Variants in CFAP77 observed in about 807,000 individuals in gnomAD.
The protein encoded by CFAP77 is cilia- and flagella-associated protein 77.
A neutral mutation model predicts 31.1 loss-of-function variants in CFAP77; 25 were observed. The ratio of observed to expected loss-of-function variants is 0.80; its 90% CI spans 0.59 to 1.12. The LOEUF is 1.12. CFAP77 is among the 50% of genes most tolerant of loss of function. The pLI is 0.00. For synonymous variants in CFAP77, 151 were observed against 159.9 expected, an observed-to-expected ratio of 0.94 and a Z score of 0.42; for missense variants, 377 against 397.3, an observed-to-expected ratio of 0.95 and a Z score of 0.44.
chr9:132,556,565 C>T (rs1007610403), intron 5 of CFAP77, among the ~76,000 whole-genome samples: 1 of 152,204 alleles, frequency 6.6e-6, no homozygotes, highest in African/African-American at 2.4e-5. Context: ...AACACACACA[C>T]ACTCTCTCCC....
chr9:132,419,910 C>T (rs558450545), intron 1 of CFAP77, among the ~76,000 whole-genome samples: 2 of 152,220 alleles, frequency 1.3e-5, no homozygotes, highest in South Asian at 2.1e-4. Flanking sequence ...CCTGTAATCC[C>T]AGTACTTTGG....
intron 1 of CFAP77, among the ~76,000 whole-genome samples, chr9:132,488,494 A>G (rs1258524534): frequency 6.6e-6 from 1 of 152,218 alleles, no homozygotes; most frequent in African/African-American, 2.4e-5. Context: ...AAGGGGAAAA[A>G]AAAGTAGATT....
intron 1 of CFAP77, among the ~76,000 whole-genome samples, chr9:132,486,016 A>ATATATATATATATATATGTATG (rs1564222949): frequency 2.4e-4 from 4 of 16,344 alleles, no homozygotes; most frequent in Non-Finnish European, 2.9e-4. Flanking sequence ...ATATATATAT[A>ATATATATATATATATATGTATG]TATATATATA....
At chr9:132,485,905 C>T (rs549815016) in intron 1 of CFAP77, among the ~76,000 whole-genome samples, 82 of 145,998 alleles carry the variant, frequency 5.6e-4, no homozygotes, top group African/African-American at 1.9e-3. Flanking sequence ...AGGTAGTTTT[C>T]GTAAACAGGT....
intron 1 of CFAP77, among the ~76,000 whole-genome samples, chr9:132,440,504 G>C (rs1164355373): frequency 1.3e-5 from 2 of 152,134 alleles, no homozygotes; most frequent in African/African-American, 2.4e-5. Context: ...AGAAAACCAA[G>C]GCTCAGAGAA....
chr9:132,550,566 C>T (rs1239529543), intron 5 of CFAP77, among the ~76,000 whole-genome samples: 3 of 148,184 alleles, frequency 2.0e-5, no homozygotes, highest in Non-Finnish European at 3.0e-5. Flanking sequence ...ACTCTGTTGC[C>T]CAGGCTGGGG....
chr9:132,420,240 G>C (rs1322663595), intron 1 of CFAP77, among the ~76,000 whole-genome samples: 1 of 151,922 alleles, frequency 6.6e-6, no homozygotes, highest in Non-Finnish European at 1.5e-5. Flanking sequence ...AGCAGTATTG[G>C]GGCTTTCCAG....
At chr9:132,486,285 C>T (rs1052166464) in intron 1 of CFAP77, among the ~76,000 whole-genome samples, 2 of 150,000 alleles carry the variant, frequency 1.3e-5, no homozygotes, top group Admixed American at 1.3e-4. Context: ...ATAGAGATGG[C>T]GTTTCACCGT....
chr9:132,441,513 C>T (rs1261337080), intron 1 of CFAP77, among the ~76,000 whole-genome samples: 2 of 152,162 alleles, frequency 1.3e-5, no homozygotes, highest in Admixed American at 1.3e-4. Context: ...GGGCCACAGA[C>T]ACCCTCCCCG....
Position 132,410,439 on chromosome 9 carries a change from C to T in CFAP77, c.168C>T (p.Ser56=). ...AGCGGCTGGGGGTCGTGCGGGACTC[C>T]ATGTTTCAGAACCCTCTCATCGTCA... The part of the protein sequence containing the change: ...ENERLGVVRD[S]MFQNPLIVKA... The change falls in exon 1 of 6, where the codon TCC becomes TCT. Residue 56 remains serine (S), a synonymous_variant. Transcript: ENST00000393216. 3 of 1,593,412 alleles carry T rather than the reference C, an allele frequency of 1.9e-6. No individual in the cohort carries two copies. Among genetic ancestry groups the T allele is most frequent in the Non-Finnish European group, 2.6e-6 (3 of 1,171,894 alleles).
chr9:132,551,259 T>G (rs1407173442), intron 5 of CFAP77, among the ~76,000 whole-genome samples: 1 of 151,208 alleles, frequency 6.6e-6, no homozygotes, highest in African/African-American at 2.4e-5. Flanking sequence ...CCTGACTCCT[T>G]CTTGGGTGCC....
intron 1 of CFAP77, among the ~76,000 whole-genome samples, chr9:132,432,942 C>T (rs1776687003): frequency 6.6e-6 from 1 of 152,150 alleles, no homozygotes; most frequent in Non-Finnish European, 1.5e-5. Context: ...TCTTGATCTC[C>T]TGACCTTGTG....
chr9:132,456,583 T>C (rs1219670337), intron 1 of CFAP77, among the ~76,000 whole-genome samples: 5 of 152,018 alleles, frequency 3.3e-5, no homozygotes, highest in Non-Finnish European at 1.5e-5. Context: ...CCGTGCAGAA[T>C]CCCATTAAGA....
rs538968360 is a variant in CFAP77 at position 132,423,234 on chromosome 9, T to G, written c.195+12768T>G. ...GCGAACCTGAAAGCTCTGTCTTTTCTTAGGCAGCCGCTTGCTTCTTGGGGA... is the reference window on the plus strand; with the variant it reads ...GCGAACCTGAAAGCTCTGTCTTTTCGTAGGCAGCCGCTTGCTTCTTGGGGA... On this transcript the variant is annotated intron_variant, in intron 1 of 5. Coordinates refer to ENST00000393216, the MANE Select transcript of CFAP77 (RefSeq NM_001282957.2). Among the ~76,000 whole-genome samples, 3 of 152,362 alleles carry G rather than the reference T, an allele frequency of 2.0e-5. No individual in the cohort carries two copies. In the East Asian group the frequency reaches 5.8e-4, roughly 29 times the overall value.
chr9:132,443,500 G>C (rs1041855675), intron 1 of CFAP77, among the ~76,000 whole-genome samples: 2 of 152,084 alleles, frequency 1.3e-5, no homozygotes, highest in Non-Finnish European at 2.9e-5. Context: ...TGATCCGCCT[G>C]CCTCGGCTTC....
intron 1 of CFAP77, among the ~76,000 whole-genome samples, chr9:132,439,735 G>C (rs535894241): frequency 1.7e-3 from 258 of 151,858 alleles, no homozygotes; most frequent in African/African-American, 5.6e-3. Flanking sequence ...TGTAGTCCCA[G>C]CTACTGGGAA....
Position 132,410,792 on chromosome 9 carries a change from A to G in CFAP77, c.195+326A>G, listed in dbSNP as rs376848421. Among the ~76,000 whole-genome samples the G allele has an allele frequency of 4.6e-5, 7 of 152,344 alleles. No individual in the cohort carries two copies. In the East Asian group the frequency reaches 5.8e-4, roughly 13 times the overall value. ...AATGGGTGCTGCTGTGGTTTCCCAC[A>G]GAGTGAACCCACAGGGTGACAGATA... On this transcript the variant is annotated intron_variant, in intron 1 of 5. Coordinates refer to ENST00000393216, the MANE Select transcript of CFAP77 (RefSeq NM_001282957.2).
chr9:132,507,579 AG>A (rs1480988080), intron 3 of CFAP77, among the ~76,000 whole-genome samples: 1 of 152,178 alleles, frequency 6.6e-6, no homozygotes, highest in Non-Finnish European at 1.5e-5. Flanking sequence ...GCTGCCTGAC[AG>A]GTTTTTTTGA....
chr9:132,522,969 G>A (rs1852296078), intron 3 of CFAP77, among the ~76,000 whole-genome samples: 2 of 152,162 alleles, frequency 1.3e-5, no homozygotes, highest in African/African-American at 4.8e-5. Context: ...CTTTGCAAAA[G>A]GATCATATAC....
Sources: gnomAD v4.1 joint callset for allele counts (sites outside exome capture counted in the v4.1 genomes callset) on GRCh38, gnomAD v4.1.1 for gene constraint, MANE v1.5 for transcripts, NCBI Gene and HGNC (gene_info 2026-07-23, HGNC 2026-07-21) for gene names.